CAST: variants seen among roughly 807,000 people sequenced by gnomAD.
The protein encoded by CAST is calpastatin.
Under a neutral mutation model 119.6 loss-of-function variants are expected in CAST, and 76 were observed. The observed-to-expected ratio is 0.64, with a 90% confidence interval of 0.53 to 0.77. The LOEUF is 0.77. Among genes scored for constraint, CAST ranks in the 30% least tolerant of loss-of-function variants. CAST has a pLI of 0.00. For missense variants in CAST, 953 were observed against 946.5 expected, an observed-to-expected ratio of 1.01 and a Z score of -0.09; for synonymous variants, 319 against 331.6, an observed-to-expected ratio of 0.96 and a Z score of 0.41.
chr5:96,446,754 A>G, the CAST span, among the ~76,000 whole-genome samples: 1 of 152,184 alleles, frequency 6.6e-6, no homozygotes, highest in African/African-American at 2.4e-5. Flanking sequence ...ATGGAATGGA[A>G]AGAGAATAGA....
At chr5:96,435,383 G>T in the CAST span, among the ~76,000 whole-genome samples, 1 of 152,200 alleles carries the variant, frequency 6.6e-6, no homozygotes, top group African/African-American at 2.4e-5. Context: ...ACACAATACA[G>T]ATATCAGTAA....
the CAST span, among the ~76,000 whole-genome samples, chr5:96,086,473 A>G: frequency 1.3e-5 from 2 of 152,224 alleles, no homozygotes; most frequent in Non-Finnish European, 2.9e-5. Context: ...ATAAATCTTT[A>G]CCAGGGTGCA....
chr5:96,394,702 T>C, the CAST span, among the ~76,000 whole-genome samples: 1 of 152,216 alleles, frequency 6.6e-6, no homozygotes, highest in Non-Finnish European at 1.5e-5. Context: ...ATGAAAAAAA[T>C]ACAGTTTTAT....
the CAST span, among the ~76,000 whole-genome samples, chr5:96,150,102 G>A: frequency 6.6e-6 from 1 of 152,166 alleles, no homozygotes; most frequent in Non-Finnish European, 1.5e-5. Flanking sequence ...AACAGCCAAG[G>A]TCCCTACCTC....
At chr5:96,694,525 G>A (rs995095847) in intron 2 of CAST, among the ~76,000 whole-genome samples, 1 of 152,178 alleles carries the variant, frequency 6.6e-6, no homozygotes, top group African/African-American at 2.4e-5. Context: ...CAGGTACTCA[G>A]GAGGCTGAGG....
At chr5:96,400,329 GTTCA>G in the CAST span, 5 of 683,592 alleles carry the variant, frequency 7.3e-6, no homozygotes, top group Middle Eastern at 7.6e-4. Context: ...GTCTATTACT[GTTCA>G]TATATCTTTT....
intron 1 of CAST, among the ~76,000 whole-genome samples, chr5:96,565,973 A>G (rs912606210): frequency 6.6e-6 from 1 of 152,194 alleles, no homozygotes; most frequent in Non-Finnish European, 1.5e-5. Context: ...AGCACAATTT[A>G]TCCTAACTGA....
At chr5:95,961,851 T>C in the CAST span, 1 of 1,222,590 alleles carries the variant, frequency 8.2e-7, no homozygotes, top group Non-Finnish European at 1.1e-6. Flanking sequence ...TGTCATATAC[T>C]GCGCGGAGCC....
chr5:96,561,786 GTTTTTTTTTGT>G (rs1746368174), intron 1 of CAST, among the ~76,000 whole-genome samples: 1 of 105,432 alleles, frequency 9.5e-6, no homozygotes, highest in Non-Finnish European at 1.9e-5. Context: ...TTATATATAT[GTTTTTTTTTGT>G]TTTTTTTTTT....
At chr5:96,236,847 G>A in the CAST span, among the ~76,000 whole-genome samples, 1 of 152,124 alleles carries the variant, frequency 6.6e-6, no homozygotes, top group African/African-American at 2.4e-5. Flanking sequence ...CTTTGACTGT[G>A]AAATAAAGTA....
the CAST span, among the ~76,000 whole-genome samples, chr5:96,246,186 C>CTTTTT: frequency 2.4e-4 from 3 of 12,760 alleles, no homozygotes; most frequent in African/African-American, 3.4e-4. Flanking sequence ...TGTCTGTCTT[C>CTTTTT]CTTTTTTTTT....
the CAST span, among the ~76,000 whole-genome samples, chr5:96,045,310 G>A: frequency 6.6e-5 from 10 of 150,630 alleles, no homozygotes; most frequent in Non-Finnish European, 1.3e-4. Context: ...CTGAGATGGC[G>A]CCATTGCACT....
At chr5:96,303,751 C>A in the CAST span, among the ~76,000 whole-genome samples, 45 of 152,076 alleles carry the variant, frequency 3.0e-4, no homozygotes, top group Middle Eastern at 3.2e-3. Flanking sequence ...TTTCTAGCTT[C>A]ATCCATATCC....
chr5:96,678,683 A>C (rs894136491), intron 2 of CAST, among the ~76,000 whole-genome samples: 3 of 152,034 alleles, frequency 2.0e-5, no homozygotes, highest in African/African-American at 7.2e-5. Flanking sequence ...TCTCTACTAA[A>C]AATACCAGAA....
the CAST span, chr5:96,432,800 C>T: frequency 9.2e-6 from 13 of 1,413,822 alleles, no homozygotes; most frequent in South Asian, 2.3e-5. Flanking sequence ...CTTGGAAGAC[C>T]GCGCTCCAGT....
chr5:96,161,503 A>T, the CAST span, among the ~76,000 whole-genome samples: 9 of 152,210 alleles, frequency 5.9e-5, no homozygotes, highest in African/African-American at 2.2e-4. Context: ...GTCTGCTCTT[A>T]TGCCAGTACC....
chr5:96,130,932 G>C, the CAST span, among the ~76,000 whole-genome samples: 1 of 152,052 alleles, frequency 6.6e-6, no homozygotes, highest in African/African-American at 2.4e-5. Flanking sequence ...GTTGAGTGAA[G>C]TGTGATTGCT....
the CAST span, among the ~76,000 whole-genome samples, chr5:96,132,078 CAT>C: frequency 2.6e-5 from 4 of 152,144 alleles, no homozygotes; most frequent in Admixed American, 1.3e-4. Flanking sequence ...ACAAAGGAAA[CAT>C]AGTATCTGAA....
the CAST span, among the ~76,000 whole-genome samples, chr5:96,496,897 A>G: frequency 6.6e-6 from 1 of 151,908 alleles, no homozygotes; most frequent in African/African-American, 2.4e-5. Context: ...TTTAGAGTAC[A>G]TGTGCACGAC....
Sources: gnomAD v4.1 joint callset for allele counts (sites outside exome capture counted in the v4.1 genomes callset) on GRCh38, gnomAD v4.1.1 for gene constraint, MANE v1.5 for transcripts, NCBI Gene and HGNC (gene_info 2026-07-23, HGNC 2026-07-21) for gene names.